TXNRD1: variants seen among roughly 807,000 people sequenced by gnomAD.
TXNRD1 encodes the protein thioredoxin reductase 1, cytoplasmic.
TXNRD1 carries 57 observed loss-of-function variants against 80.3 expected under a neutral mutation model. The ratio of observed to expected loss-of-function variants is 0.71; its 90% confidence interval spans 0.57 to 0.89. TXNRD1 has a LOEUF of 0.89. TXNRD1 is among the 40% of genes least tolerant of loss of function. The pLI, the probability that TXNRD1 is intolerant of heterozygous loss-of-function variation, is 0.00. For missense variants in TXNRD1, 730 were observed against 803.0 expected, an observed-to-expected ratio of 0.91 and a Z score of 1.10; for synonymous variants, 291 against 285.2, an observed-to-expected ratio of 1.02 and a Z score of -0.20.
intron 1 of TXNRD1, among the ~76,000 whole-genome samples, chr12:104,241,937 A>ATTTTTTTTTTTTTTTTTTTTTTTT (rs747774973): frequency 1.0e-5 from 1 of 96,082 alleles, no homozygotes; most frequent in Non-Finnish European, 1.9e-5. Flanking sequence ...TATACTAATG[A>ATTTTTTTTTTTTTTTTTTTTTTTT]TTTTTTTTTT....
At chr12:104,245,863 A>G (rs867467499) in intron 1 of TXNRD1, among the ~76,000 whole-genome samples, 16 of 151,120 alleles carry the variant, frequency 1.1e-4, no homozygotes, top group Middle Eastern at 3.4e-3. Flanking sequence ...TAATCCCAGC[A>G]CTTTGGGAGG....
In TXNRD1 at chr12:104,339,255, C is replaced by T. The variant is rs1026190516; in HGVS notation, c.1863C>T (p.Ile621=). ...AGCAGCTGGACAGCACAATTGGAATCCACCCTGTCTGTGCAGAGGTGGGTC... is the reference window on the plus strand; with the variant it reads ...AGCAGCTGGACAGCACAATTGGAATTCACCCTGTCTGTGCAGAGGTGGGTC... The part of the protein sequence containing the change: ...TKKQLDSTIG[I]HPVCAEVFTT... Residue 621 remains isoleucine (I), a synonymous_variant, in exon 16 of 17, where the codon ATC becomes ATT. Coordinates refer to ENST00000525566, the MANE Select transcript of TXNRD1 (RefSeq NM_001093771.3). 6.2e-7 allele frequency: 1 copy of T among 1,613,490 alleles called. No individual in the cohort carries two copies. The highest frequency in any genetic ancestry group is 8.5e-7 in the Non-Finnish European group (1 of 1,179,790).
intron 6 of TXNRD1, 119 bp downstream of exon 6, chr12:104,313,436 C>A: frequency 2.9e-6 from 2 of 699,624 alleles, no homozygotes; most frequent in Non-Finnish European, 4.6e-6. Flanking sequence ...GAAAAAACAG[C>A]CCCAAAACAT....
chr12:104,262,437 A>G (rs2033387603), intron 3 of TXNRD1: 1 of 152,102 alleles, frequency 6.6e-6, no homozygotes, highest in South Asian at 2.1e-4. Flanking sequence ...GTAATCATGG[A>G]GCTGGAACTG....
chr12:104,325,731 G>T (rs766155657), intron 11 of TXNRD1, among the ~76,000 whole-genome samples: 33 of 152,154 alleles, frequency 2.2e-4, no homozygotes, highest in Non-Finnish European at 4.6e-4. Context: ...AATTAGCCGG[G>T]CGTGGTGGCG....
At chr12:104,327,749 A>G in intron 13 of TXNRD1, 78 bp downstream of exon 13, 1 of 1,476,778 alleles carries the variant, frequency 6.8e-7, no homozygotes, top group Non-Finnish European at 9.2e-7. Flanking sequence ...GCAGTTGGGA[A>G]GTTTCGCAGA....
intron 14 of TXNRD1, among the ~76,000 whole-genome samples, chr12:104,332,645 A>G (rs2035990930): frequency 6.6e-6 from 1 of 151,344 alleles, no homozygotes; most frequent in African/African-American, 2.4e-5. Context: ...GCTACTTGGG[A>G]AGCTGAGGCA....
chr12:104,324,280 A>C (rs2035674126), intron 10 of TXNRD1, among the ~76,000 whole-genome samples: 1 of 152,114 alleles, frequency 6.6e-6, no homozygotes, highest in South Asian at 2.1e-4. Context: ...AGGAAAGGGA[A>C]TTCAGGAAGG....
chr12:104,305,274 G>A (rs1456840153), intron 4 of TXNRD1: 8 of 171,344 alleles, frequency 4.7e-5, no homozygotes, highest in Non-Finnish European at 8.9e-5. Context: ...TCTGTGATGC[G>A]TTGCTTTCTC....
At chr12:104,304,010 A>G (rs758402269) in intron 4 of TXNRD1, 2 of 1,611,590 alleles carry the variant, frequency 1.2e-6, no homozygotes, top group Admixed American at 1.7e-5. Flanking sequence ...CGTAGACCCA[A>G]AGCTCCTGGA....
intron 1 of TXNRD1, among the ~76,000 whole-genome samples, chr12:104,229,505 G>A (rs112598215): frequency 0.053 from 8,004 of 151,812 alleles, 239 homozygotes; most frequent in Middle Eastern, 0.13. Flanking sequence ...TCACATTGCA[G>A]CATGTATTAG....
rs1163912545 is a variant in TXNRD1 at position 104,298,348 on chromosome 12, G to C, written c.414+9308G>C. Among the ~76,000 whole-genome samples the C allele has an allele frequency of 2.0e-5, 3 of 152,120 alleles. 1 individual carries two copies. The highest frequency in any genetic ancestry group is 7.2e-5 in the African/African-American group (3 of 41,434). On this transcript the variant is annotated intron_variant, in intron 4 of 16. Coordinates refer to ENST00000525566, the MANE Select transcript of TXNRD1 (RefSeq NM_001093771.3). ...AGCCTTCGTAGGTTTTTAAAATTTT[G>C]TTATATGGCAAATTTCTTTTCACTG...
At chr12:104,267,241 C>CTCTCTCTTTCTTTCTT (rs1555209189) in intron 3 of TXNRD1, among the ~76,000 whole-genome samples, 7 of 85,750 alleles carry the variant, frequency 8.2e-5, no homozygotes, top group South Asian at 4.6e-4. Flanking sequence ...ATTTTCTTTT[C>CTCTCTCTTTCTTTCTT]TCTTTCTTTC....
At chr12:104,328,082 G>A (rs554026711) in intron 13 of TXNRD1, among the ~76,000 whole-genome samples, 8 of 151,258 alleles carry the variant, frequency 5.3e-5, no homozygotes, top group South Asian at 2.1e-4. Context: ...TTGCTTGAAC[G>A]GGGAACTGGG....
At chr12:104,230,802 G>A (rs2032605021) in intron 1 of TXNRD1, among the ~76,000 whole-genome samples, 2 of 152,178 alleles carry the variant, frequency 1.3e-5, no homozygotes, top group South Asian at 4.1e-4. Flanking sequence ...GCTGGAGGAG[G>A]TGGTGTCTGA....
chr12:104,286,679 T>G (rs758145257), intron 3 of TXNRD1: 56 of 986,680 alleles, frequency 5.7e-5, no homozygotes, highest in Non-Finnish European at 6.8e-5. Context: ...ACCAGGATTC[T>G]AAAGACCCTC....
At chr12:104,279,955 C>T (rs1403270665) in intron 3 of TXNRD1, among the ~76,000 whole-genome samples, 5 of 149,206 alleles carry the variant, frequency 3.4e-5, no homozygotes, top group African/African-American at 7.4e-5. Flanking sequence ...CCCAGCTACT[C>T]GAGAGGCTGA....
intron 15 of TXNRD1, among the ~76,000 whole-genome samples, chr12:104,335,645 A>G (rs575649214): frequency 6.6e-6 from 1 of 152,168 alleles, no homozygotes; most frequent in Non-Finnish European, 1.5e-5. Context: ...TGGTATATTC[A>G]TATACACACA....
intron 4 of TXNRD1, chr12:104,290,884 G>T: frequency 1.8e-6 from 1 of 540,544 alleles, no homozygotes; most frequent in Non-Finnish European, 3.2e-6. Context: ...ATGGCAATGG[G>T]AGTAAAAAGA....
Sources: gnomAD v4.1 joint callset for allele counts (sites outside exome capture counted in the v4.1 genomes callset) on GRCh38, gnomAD v4.1.1 for gene constraint, MANE v1.5 for transcripts, NCBI Gene and HGNC (gene_info 2026-07-23, HGNC 2026-07-21) for gene names.